Variants in ACSM3 observed in about 807,000 individuals in gnomAD.
ACSM3 encodes acyl-CoA synthetase medium chain family member 3, also known as acyl-coenzyme A synthetase ACSM3, mitochondrial.
In ACSM3, 61 loss-of-function variants were observed where a neutral mutation model predicts 74.1. The observed-to-expected ratio is 0.82, with a 90% CI of 0.67 to 1.02. The LOEUF (loss-of-function observed/expected upper bound fraction) is 1.02, where lower values mean the gene tolerates loss of function less well. Ranked by LOEUF, ACSM3 falls within the 50% of genes least tolerant of loss-of-function variation. The pLI, the probability that ACSM3 is intolerant of heterozygous loss-of-function variation, is 0.00. For synonymous variants in ACSM3, 213 were observed against 241.5 expected (o/e 0.88, Z 1.09); for missense variants, 660 against 697.0 (o/e 0.95, Z 0.60).
chr16:20,746,764 A>T (rs2079959602), intron 1 of ACSM3, among the ~76,000 whole-genome samples: 1 of 152,116 alleles, frequency 6.6e-6, no homozygotes, highest in African/African-American at 2.4e-5. Flanking sequence ...CTTTGTACCT[A>T]CTCAGCCCTG....
rs779973608 is a variant in ACSM3 at position 20,781,724 on chromosome 16, C to T, written c.956C>T (p.Pro319Leu). The change falls in exon 7 of 14, where the codon CCC (proline) becomes CTC (leucine). Residue 319 changes from proline to leucine, a missense_variant. Coordinates refer to ENST00000289416, the MANE Select transcript of ACSM3 (RefSeq NM_005622.4). ...AAATTGCAGACACTCTCCAAGTACC[C>T]CATCACAGTCTTCTGTTCAGCACCA... ...TSILQTLSKY[P>L]ITVFCSAPTV... is the part of the protein sequence containing the mutation. The T allele has an allele frequency of 3.7e-6, 6 of 1,613,002 alleles. No homozygotes were observed. In the East Asian group the frequency reaches 1.3e-4, roughly 36 times the overall value.
intron 3 of ACSM3, among the ~76,000 whole-genome samples, chr16:20,758,420 G>A (rs552169183): frequency 2.0e-3 from 309 of 152,184 alleles, no homozygotes; most frequent in Non-Finnish European, 3.4e-3. Context: ...GTTTATTTGC[G>A]TAGAGGTGTT....
intron 1 of ACSM3, among the ~76,000 whole-genome samples, chr16:20,748,368 A>C (rs1236349186): frequency 1.3e-5 from 2 of 152,118 alleles, no homozygotes; most frequent in African/African-American, 4.8e-5. Context: ...TTGATTAAGA[A>C]TATATTTTAG....
intron 1 of ACSM3, chr16:20,679,596 G>T (rs923243615): frequency 2.0e-5 from 3 of 152,114 alleles, no homozygotes; most frequent in African/African-American, 4.8e-5. Context: ...CACTAATGTT[G>T]TTACCATTTC....
At position 20,796,509 on chromosome 16, in the gene ACSM3, C is replaced by T. The variant is rs190493115; in HGVS notation, c.1674+20C>T. 210 of 1,608,844 alleles carry T rather than the reference C, an allele frequency of 1.3e-4. No homozygotes were observed. In the African/African-American group the frequency reaches 2.2e-3, roughly 17 times the overall value. On this transcript the variant is annotated intron_variant, in intron 13 of 13. Coordinates refer to ENST00000289416, the MANE Select transcript of ACSM3 (RefSeq NM_005622.4). The stretch of plus-strand genomic sequence containing the variant: ...AGAAAGGTAGGCATCCTAATTATAA[C>T]GAATATTTGCTCAGTGTTGTGGACA...
At position 20,718,834 on chromosome 16, in the gene ACSM3, T is replaced by C. The variant is rs553811817; in HGVS notation, c.-189-31076T>C. On this transcript the variant is annotated intron_variant, in intron 1 of 3. Coordinates refer to the ACSM3 transcript ENST00000561584. ...ACCCTATTTTATTTTCCTAATAGCATTTACACTATTTAAAATAATGATATA... is the reference window on the plus strand; with the variant it reads ...ACCCTATTTTATTTTCCTAATAGCACTTACACTATTTAAAATAATGATATA... 3.9e-5 allele frequency among the ~76,000 whole-genome samples: 6 copies of C among 152,320 alleles called. No individual in the cohort carries two copies. In the South Asian group the frequency reaches 8.3e-4, roughly 21 times the overall value.
chr16:20,709,175 C>T (rs2079735908), intron 1 of ACSM3, among the ~76,000 whole-genome samples: 1 of 152,146 alleles, frequency 6.6e-6, no homozygotes, highest in Admixed American at 6.5e-5. Context: ...TGGCGTCAAC[C>T]CAGGAGGCGG....
upstream of ACSM3, among the ~76,000 whole-genome samples, chr16:20,763,020 C>A (rs1177572431): frequency 6.6e-6 from 1 of 152,184 alleles, no homozygotes; most frequent in East Asian, 1.9e-4. Context: ...CACAGAAAAT[C>A]CCAAGGAATC....
intron 1 of ACSM3, chr16:20,690,876 A>G: frequency 1.1e-6 from 1 of 930,840 alleles, no homozygotes; most frequent in Non-Finnish European, 1.6e-6. Flanking sequence ...AGCTTCTTCC[A>G]CAACACTGAT....
chr16:20,766,994 G>C (rs1228707423), intron 1 of ACSM3, among the ~76,000 whole-genome samples: 4 of 152,102 alleles, frequency 2.6e-5, no homozygotes, highest in South Asian at 2.1e-4. Flanking sequence ...CTGGGAGTGA[G>C]AGCAAAGTGG....
chr16:20,691,461 C>T (rs528054799), intron 1 of ACSM3, among the ~76,000 whole-genome samples: 2 of 152,152 alleles, frequency 1.3e-5, no homozygotes, highest in South Asian at 2.1e-4. Context: ...GGGTTTGGTG[C>T]GCGTTCCTAG....
At chr16:20,721,321 GTTGA>G (rs1327050354) in intron 1 of ACSM3, 1 of 152,282 alleles carries the variant, frequency 6.6e-6, no homozygotes, top group Non-Finnish European at 1.5e-5. Context: ...GCTAGGTGTG[GTTGA>G]TTAATGCCAA....
At chr16:20,675,284 G>A (rs1238344632) in intron 1 of ACSM3, among the ~76,000 whole-genome samples, 2 of 152,148 alleles carry the variant, frequency 1.3e-5, no homozygotes, top group African/African-American at 4.8e-5. Context: ...TGAAAGAGAC[G>A]GTCTCAGGAG....
intron 9 of ACSM3, among the ~76,000 whole-genome samples, chr16:20,789,184 G>A (rs1248261629): frequency 2.0e-5 from 3 of 152,122 alleles, no homozygotes; most frequent in Non-Finnish European, 4.4e-5. Context: ...GCACAGAGGA[G>A]TGTAATGATT....
chr16:20,765,791 C>T (rs975168765), intron 1 of ACSM3, among the ~76,000 whole-genome samples: 49 of 152,230 alleles, frequency 3.2e-4, no homozygotes, highest in African/African-American at 1.2e-3. Context: ...AATGAAAATA[C>T]TAATAAATAA....
chr16:20,759,354 G>A (rs1457210643), upstream of ACSM3, among the ~76,000 whole-genome samples: 2 of 152,094 alleles, frequency 1.3e-5, no homozygotes, highest in African/African-American at 4.8e-5. Flanking sequence ...TCAGGAGATC[G>A]AGACCATCTT....
chr16:20,785,213 GTGGTTAGAAAA>G, intron 8 of ACSM3, 106 bp downstream of exon 8: 2 of 1,462,414 alleles, frequency 1.4e-6, no homozygotes, highest in Non-Finnish European at 1.9e-6. Context: ...TAGGAGTTGA[GTGGTTAGAAAA>G]TGTTTAAAAA....
At chr16:20,796,760 C>T (rs1271866082) in intron 13 of ACSM3, 126 bp from the exon 14 acceptor site, 6 of 1,524,022 alleles carry the variant, frequency 3.9e-6, no homozygotes, top group Non-Finnish European at 5.3e-6. Context: ...TTGGCTGTTA[C>T]CCAAAACCCA....
At chr16:20,753,462 C>CA (rs36090074) in intron 2 of ACSM3, among the ~76,000 whole-genome samples, 5,291 of 101,476 alleles carry the variant, frequency 0.052, 253 homozygotes, top group East Asian at 0.061. Flanking sequence ...AGACTGTCTC[C>CA]AAAAAAAAAA....
Sources: gnomAD v4.1 joint callset for allele counts (sites outside exome capture counted in the v4.1 genomes callset) on GRCh38, gnomAD v4.1.1 for gene constraint, MANE v1.5 for transcripts, NCBI Gene and HGNC (gene_info 2026-07-23, HGNC 2026-07-21) for gene names.